SNX25: variants seen among roughly 807,000 people sequenced by gnomAD.
The protein encoded by SNX25 is sorting nexin 25.
SNX25 carries 62 observed loss-of-function variants against 113.7 expected under a neutral mutation model. The observed-to-expected ratio is 0.55, with a 90% CI of 0.44 to 0.67. SNX25 has a LOEUF of 0.67. Among genes scored for constraint, SNX25 ranks in the 30% least tolerant of loss-of-function variants. SNX25 has a pLI of 0.00. For synonymous variants in SNX25, 421 were observed against 436.2 expected (o/e 0.97, Z 0.43); for missense variants, 1,014 against 1,161.0 (o/e 0.87, Z 1.84).
intron 7 of SNX25, among the ~76,000 whole-genome samples, chr4:185,313,168 A>G (rs2095044465): frequency 6.6e-6 from 1 of 152,260 alleles, no homozygotes; most frequent in African/African-American, 2.4e-5. Context: ...CAAGGCAGTT[A>G]TATGTTGCTT....
downstream of SNX25, chr4:185,370,533 C>T (rs1418891014): frequency 1.8e-6 from 2 of 1,139,348 alleles, no homozygotes; most frequent in East Asian, 2.6e-5. Flanking sequence ...AGGTTATCTG[C>T]ACAGTAATTG....
intron 6 of SNX25, among the ~76,000 whole-genome samples, chr4:185,292,467 C>A (rs1198613633): frequency 2.0e-5 from 3 of 152,098 alleles, no homozygotes; most frequent in African/African-American, 7.2e-5. Flanking sequence ...GACACAATCT[C>A]GGCTCACTGC....
At chr4:185,313,602 T>C (rs1351283727) in intron 7 of SNX25, among the ~76,000 whole-genome samples, 1 of 152,156 alleles carries the variant, frequency 6.6e-6, no homozygotes, top group African/African-American at 2.4e-5. Context: ...ATGGAGTGAA[T>C]ATGCAATATA....
intron 5 of SNX25, among the ~76,000 whole-genome samples, chr4:185,275,478 T>C (rs1296818070): frequency 6.6e-6 from 1 of 152,192 alleles, no homozygotes; most frequent in Non-Finnish European, 1.5e-5. Context: ...ATAAAGTGGG[T>C]TACTGATGGA....
At position 185,340,455 on chromosome 4, in the gene SNX25, T is replaced by C. The variant is rs554397587; in HGVS notation, c.2046+945T>C. Among the ~76,000 whole-genome samples, 5 of 152,300 alleles carry C rather than the reference T, an allele frequency of 3.3e-5. No homozygotes were observed. In the East Asian group the frequency reaches 9.7e-4, roughly 29 times the overall value. ...TGGTGCTCCCATTAAGCTAAGCTGC[T>C]GAACAATACACATTTCTCCATGGAA... On this transcript the variant is annotated intron_variant, in intron 11 of 18. Transcript: ENST00000652585.
chr4:185,228,742 A>G (rs1741380292), intron 1 of SNX25, among the ~76,000 whole-genome samples: 1 of 152,150 alleles, frequency 6.6e-6, no homozygotes, highest in South Asian at 2.1e-4. Flanking sequence ...AGGTTTGGAA[A>G]AAACATCATT....
chr4:185,368,194 T>G (rs1189514982), downstream of SNX25, among the ~76,000 whole-genome samples: 1 of 151,980 alleles, frequency 6.6e-6, no homozygotes, highest in East Asian at 1.9e-4. Flanking sequence ...AAGAAAACTT[T>G]CCCTTATTTT....
downstream of SNX25, among the ~76,000 whole-genome samples, chr4:185,373,881 CTG>C (rs1305093909): frequency 1.3e-5 from 2 of 152,176 alleles, no homozygotes; most frequent in Non-Finnish European, 2.9e-5. Context: ...AATTTCAGGA[CTG>C]TTTCTCTTCT....
In SNX25 at chr4:185,353,503, A is replaced by C; in HGVS notation, c.2485A>C (p.Ser829Arg). 1 of 1,614,140 alleles carries C rather than the reference A, an allele frequency of 6.2e-7. No individual in the cohort carries two copies. The highest frequency in any genetic ancestry group is 1.1e-5 in the South Asian group (1 of 91,082). Residue 829 changes from serine (S) to arginine (R), a missense_variant, in exon 15 of 19, where the codon AGT becomes CGT. Ser to Arg is a moderately radical substitution (Grantham distance 110). Coordinates refer to ENST00000652585, the MANE Select transcript of SNX25 (RefSeq NM_001378034.2). Reference sequence around the variant, plus strand: ...TTCCCAGGAGGAGACAGAGGAGGACAGTGACCTGTCAGATTATGGTGATGA... The same window carrying C: ...TTCCCAGGAGGAGACAGAGGAGGACCGTGACCTGTCAGATTATGGTGATGA... ...SHQEEETEED[S>R]DLSDYGDDVD...
At chr4:185,284,576 TAGGG>T (rs1182524671) in intron 5 of SNX25, among the ~76,000 whole-genome samples, 1 of 152,022 alleles carries the variant, frequency 6.6e-6, no homozygotes, top group Non-Finnish European at 1.5e-5. Context: ...TTCACATTCA[TAGGG>T]AGAAAAAAAA....
downstream of SNX25, among the ~76,000 whole-genome samples, chr4:185,367,453 T>G (rs1216120152): frequency 6.6e-6 from 1 of 152,180 alleles, no homozygotes; most frequent in Non-Finnish European, 1.5e-5. Context: ...TATTCTCATT[T>G]GAAAGAGATA....
intron 6 of SNX25, among the ~76,000 whole-genome samples, chr4:185,301,065 A>G (rs1432824144): frequency 6.6e-6 from 1 of 152,200 alleles, no homozygotes; most frequent in African/African-American, 2.4e-5. Flanking sequence ...TAAGACCCTC[A>G]TTCCAAAGAG....
At chr4:185,308,725 T>C (rs2126659941) in intron 6 of SNX25, among the ~76,000 whole-genome samples, 1 of 152,284 alleles carries the variant, frequency 6.6e-6, no homozygotes, top group East Asian at 1.9e-4. Flanking sequence ...ATTTACGATC[T>C]CCCTTGTCAG....
At chr4:185,287,145 A>T (rs1203420736) in intron 5 of SNX25, among the ~76,000 whole-genome samples, 3 of 152,204 alleles carry the variant, frequency 2.0e-5, no homozygotes, top group Admixed American at 1.3e-4. Flanking sequence ...AAGAATTTGG[A>T]TTTGTAAAGC....
At chr4:185,231,857 AGTCT>A (rs1355531474) in intron 1 of SNX25, among the ~76,000 whole-genome samples, 1 of 152,194 alleles carries the variant, frequency 6.6e-6, no homozygotes, top group Non-Finnish European at 1.5e-5. Flanking sequence ...GGGATATAAA[AGTCT>A]GTCTCTTTGA....
At chr4:185,270,502 A>G (rs1189922764) in intron 5 of SNX25, among the ~76,000 whole-genome samples, 8 of 152,248 alleles carry the variant, frequency 5.3e-5, no homozygotes, top group African/African-American at 1.9e-4. Flanking sequence ...TAGAAGTGCT[A>G]AACTGAAGAA....
In SNX25 at chr4:185,311,950, C is replaced by CAAAATAAAAT. The variant is rs528010871; in HGVS notation, c.1344+1150_1344+1159dup. The stretch of plus-strand genomic sequence containing the variant: ...GGAAGTCTGTTGATGTTGCTATTAG[C>CAAAATAAAAT]AAAATAAAATAAAATAAAATAAAAT... On this transcript the variant is annotated intron_variant, in intron 7 of 18. Transcript: ENST00000652585. Among the ~76,000 whole-genome samples, 4 of 152,102 alleles carry CAAAATAAAAT rather than the reference C, an allele frequency of 2.6e-5. No homozygotes were observed. The South Asian group carries it at 8.3e-4, about 32-fold the overall frequency.
At chr4:185,229,548 G>A (rs1461199793) in intron 1 of SNX25, among the ~76,000 whole-genome samples, 1 of 152,210 alleles carries the variant, frequency 6.6e-6, no homozygotes, top group Non-Finnish European at 1.5e-5. Flanking sequence ...AGAGGGAGTT[G>A]AGGAGGCTGA....
At chr4:185,233,765 C>T (rs1742197670) in intron 1 of SNX25, among the ~76,000 whole-genome samples, 1 of 152,096 alleles carries the variant, frequency 6.6e-6, no homozygotes, top group East Asian at 1.9e-4. Context: ...TTGTAAAGAT[C>T]TTCAGATTTG....
Sources: gnomAD v4.1 joint callset for allele counts (sites outside exome capture counted in the v4.1 genomes callset) on GRCh38, gnomAD v4.1.1 for gene constraint, MANE v1.5 for transcripts, NCBI Gene and HGNC (gene_info 2026-07-23, HGNC 2026-07-21) for gene names.